PDHX: variants seen among roughly 807,000 people sequenced by gnomAD.
The protein encoded by PDHX is pyruvate dehydrogenase protein X component, mitochondrial.
Under a neutral mutation model 55.3 loss-of-function variants are expected in PDHX, and 33 were observed. That is an observed-to-expected ratio of 0.60 (90% CI 0.45 to 0.80). PDHX has a LOEUF of 0.80. PDHX is among the 30% of genes least tolerant of loss of function. The pLI is 0.00. For missense variants in PDHX, 622 were observed against 619.9 expected (o/e 1.00, Z -0.04); for synonymous variants, 226 against 219.4 (o/e 1.03, Z -0.27).
At chr11:34,989,990 C>A (rs1349723250) in intron 9 of PDHX, among the ~76,000 whole-genome samples, 2 of 152,160 alleles carry the variant, frequency 1.3e-5, no homozygotes, top group Non-Finnish European at 2.9e-5. Context: ...GCAGATTCAT[C>A]CATGAACCCC....
intron 1 of PDHX, among the ~76,000 whole-genome samples, chr11:34,921,672 C>T (rs1853883232): frequency 6.6e-6 from 1 of 152,126 alleles, no homozygotes; most frequent in Non-Finnish European, 1.5e-5. Flanking sequence ...ATCATCTAAG[C>T]AAAGCACTTG....
intron 7 of PDHX, among the ~76,000 whole-genome samples, chr11:34,974,037 C>T (rs1401695894): frequency 6.6e-6 from 1 of 152,204 alleles, no homozygotes; most frequent in Non-Finnish European, 1.5e-5. Context: ...GAATATATAA[C>T]ATGAGTCTTA....
chr11:34,978,131 T>C lies in PDHX; in HGVS notation c.972T>C (p.Ile324=), dbSNP rs780778970. The change falls in exon 8 of 11, where the codon ATT becomes ATC. Residue 324 remains isoleucine (I), a synonymous_variant. Transcript: ENST00000227868. ...ACCTTATTTTTCTTTCAGATGACAT[T>C]AAAGTATCAGTAAATGATTTTATCA... is the stretch of plus-strand genomic sequence containing the variant. The part of the protein sequence containing the change: ...KVRQDLVKDD[I]KVSVNDFIIK... 2.6e-6 allele frequency: 4 copies of C among 1,545,540 alleles called. No individual in the cohort carries two copies. In the South Asian group the frequency reaches 4.5e-5, roughly 17 times the overall value.
At chr11:34,916,596 C>A (rs897459938), upstream of PDHX, 6 of 1,590,946 alleles carry the variant, frequency 3.8e-6, no homozygotes, top group Non-Finnish European at 5.1e-6. Context: ...ATGCGGGAGG[C>A]GGGGCCTTGA....
At chr11:34,952,704 G>A (rs1406732934) in intron 3 of PDHX, among the ~76,000 whole-genome samples, 1 of 151,070 alleles carries the variant, frequency 6.6e-6, no homozygotes, top group East Asian at 1.9e-4. Context: ...AATAATAAGA[G>A]CTATCTATGA....
intron 7 of PDHX, among the ~76,000 whole-genome samples, chr11:34,976,798 A>G (rs899066055): frequency 1.3e-5 from 2 of 152,142 alleles, no homozygotes; most frequent in Admixed American, 1.3e-4. Flanking sequence ...CTTAGGTGGT[A>G]GGTTTGGGGG....
rs1554983665 is a variant in PDHX at position 34,922,864 on chromosome 11, T to TGTGTGTG, written c.160+6049_160+6050insGTGTGTG. ...AAATGTGTAAATTCCCAAAGTATCG[T>TGTGTGTG]TGTGTGTGTGTGTGTGTGTGTGTGT... On this transcript the variant is annotated intron_variant, in intron 1 of 10. Coordinates refer to ENST00000227868, the MANE Select transcript of PDHX (RefSeq NM_003477.3). Among the ~76,000 whole-genome samples the TGTGTGTG allele has an allele frequency of 4.2e-5, 6 of 143,468 alleles. No homozygotes were observed. The South Asian group carries it at 1.4e-3, about 34-fold the overall frequency. 94.1% of individuals were successfully genotyped at this position (143,468 alleles called of 152,430 possible).
rs894571925 is a variant in PDHX at position 34,970,148 on chromosome 11, A to G, written c.826A>G (p.Thr276Ala). The part of the protein sequence containing the change: ...PGQPNAVGTF[T>A]EIPASNIRRV... The stretch of plus-strand genomic sequence containing the variant: ...TGCTGTCTTTTTGCAGGGCACATTC[A>G]CTGAAATCCCCGCCAGCAATATTCG... Residue 276 changes from threonine to alanine, a missense_variant, in exon 7 of 11, where the codon ACT becomes GCT. Transcript: ENST00000227868. 1 of 1,613,674 alleles carries G rather than the reference A, an allele frequency of 6.2e-7. No homozygotes were observed. The highest frequency in any genetic ancestry group is 1.3e-5 in the African/African-American group (1 of 75,006).
chr11:34,935,610 A>G (rs1458706913), intron 2 of PDHX, among the ~76,000 whole-genome samples: 4 of 152,110 alleles, frequency 2.6e-5, no homozygotes, highest in Non-Finnish European at 5.9e-5. Flanking sequence ...TGCTTGATTC[A>G]TTCTGTATCA....
rs571206770 is a variant in PDHX, at chr11:34,973,719, T to C, written c.964+3433T>C. Among the ~76,000 whole-genome samples, 4 of 152,306 alleles carry C rather than the reference T, an allele frequency of 2.6e-5. No homozygotes were observed. The South Asian group carries it at 6.2e-4, about 24-fold the overall frequency. ...CCTCTCATATTTTGTACTGCTGTTGTCATGTTTTACTTCTATATATGATGT... is the reference window on the plus strand; with the variant it reads ...CCTCTCATATTTTGTACTGCTGTTGCCATGTTTTACTTCTATATATGATGT... On this transcript the variant is annotated intron_variant, in intron 7 of 10. Coordinates refer to ENST00000227868, the MANE Select transcript of PDHX (RefSeq NM_003477.3).
intron 10 of PDHX, among the ~76,000 whole-genome samples, chr11:34,993,273 T>A (rs1038758488): frequency 6.6e-6 from 1 of 152,130 alleles, no homozygotes; most frequent in Non-Finnish European, 1.5e-5. Context: ...TCTCGGTGAT[T>A]TTTTTAAATG....
At chr11:34,961,659 A>G (rs1855023811) in intron 5 of PDHX, among the ~76,000 whole-genome samples, 1 of 152,094 alleles carries the variant, frequency 6.6e-6, no homozygotes, top group South Asian at 2.1e-4. Flanking sequence ...TTGGGTGTTT[A>G]TTTTATTGAA....
Position 34,916,815 on chromosome 11 carries a change from G to T in PDHX, c.160G>T (p.Gly54Cys). 2 of 1,571,302 alleles carry T rather than the reference G, an allele frequency of 1.3e-6. No homozygotes were observed. Among genetic ancestry groups the T allele is most frequent in the Non-Finnish European group, 8.6e-7 (1 of 1,158,662 alleles). ...GTTTCACAGCACGCAGTGGCTTCGGGGTGAGTGGCCGGGGCTCGCTCAGCT... is the reference window on the plus strand; with the variant it reads ...GTTTCACAGCACGCAGTGGCTTCGGTGTGAGTGGCCGGGGCTCGCTCAGCT... ...RWFHSTQWLRGDPIKILMPSL... is the reference protein window; with the variant it reads ...RWFHSTQWLRCDPIKILMPSL... The change falls in exon 1 of 11, where the codon GGT (glycine) becomes TGT (cysteine). Residue 54 changes from glycine (G) to cysteine (C), a missense_variant and splice_region_variant. Gly to Cys is a radical substitution (Grantham distance 159, BLOSUM62 -3). Coordinates refer to ENST00000227868, the MANE Select transcript of PDHX (RefSeq NM_003477.3).
At position 34,992,317 on chromosome 11, in the gene PDHX, T is replaced by C; in HGVS notation, c.1185T>C (p.Ala395=). 2 of 1,590,698 alleles carry C rather than the reference T, an allele frequency of 1.3e-6. No individual in the cohort carries two copies. Among genetic ancestry groups the C allele is most frequent in the Non-Finnish European group, 1.7e-6 (2 of 1,159,254 alleles). The change falls in exon 10 of 11, where the codon GCT becomes GCC. Residue 395 remains alanine, a splice_region_variant and synonymous_variant. Coordinates refer to ENST00000227868, the MANE Select transcript of PDHX (RefSeq NM_003477.3). Reference sequence around the variant, plus strand: ...TATTCTGTTTGTATTTTTCTCAGGCTCTATCAAAGAAAGCAAGAGATGGAA... The same window carrying C: ...TATTCTGTTTGTATTTTTCTCAGGCCCTATCAAAGAAAGCAAGAGATGGAA... ...GIQEIADSVK[A]LSKKARDGKL...
At chr11:34,964,446 A>C (rs922218042) in intron 5 of PDHX, among the ~76,000 whole-genome samples, 3 of 152,088 alleles carry the variant, frequency 2.0e-5, no homozygotes, top group African/African-American at 7.2e-5. Flanking sequence ...TCTACTAAAA[A>C]TATAAAAATT....
intron 3 of PDHX, among the ~76,000 whole-genome samples, chr11:34,950,542 C>T (rs1280032071): frequency 7.2e-6 from 1 of 138,724 alleles, no homozygotes; most frequent in African/African-American, 2.7e-5. Flanking sequence ...CACCCCACAA[C>T]AGTCCCCAGA....
At chr11:34,918,103 A>G (rs887757935) in intron 1 of PDHX, among the ~76,000 whole-genome samples, 7 of 152,160 alleles carry the variant, frequency 4.6e-5, no homozygotes, top group Admixed American at 4.6e-4. Flanking sequence ...AATCTTTGAA[A>G]ATGTTACAGA....
In PDHX at chr11:34,995,738, A is replaced by G. The variant is rs1855845755; in HGVS notation, c.*566A>G. 6.4e-6 allele frequency: 1 copy of G among 155,638 alleles called. No individual in the cohort carries two copies. Among genetic ancestry groups the G allele is most frequent in the Non-Finnish European group, 1.4e-5 (1 of 70,100 alleles). The allele number at this position is 155,638 out of a possible 1,614,324, so 9.6% of individuals were successfully genotyped here. ...TTATGGCAACATTATTGAATTTTTT[A>G]TGTACATAAAGCCATATGTTTAGGG... On this transcript the variant is annotated 3_prime_UTR_variant, in exon 11 of 11. Coordinates refer to ENST00000227868, the MANE Select transcript of PDHX (RefSeq NM_003477.3).
At chr11:34,916,956 C>T in intron 1 of PDHX, 141 bp downstream of exon 1, 2 of 891,438 alleles carry the variant, frequency 2.2e-6, no homozygotes, top group South Asian at 1.4e-5. Context: ...CGGTTGGGGT[C>T]CGCCGACTTG....
Sources: gnomAD v4.1 joint callset for allele counts (sites outside exome capture counted in the v4.1 genomes callset) on GRCh38, gnomAD v4.1.1 for gene constraint, MANE v1.5 for transcripts, NCBI Gene and HGNC (gene_info 2026-07-23, HGNC 2026-07-21) for gene names.